Variants in UNC79 observed in about 807,000 individuals in gnomAD.
The protein encoded by UNC79 is unc-79 subunit of NALCN channel complex, also known as protein unc-79 homolog.
UNC79 carries 37 observed loss-of-function variants against 283.1 expected under a neutral mutation model. The observed-to-expected ratio is 0.13, with a 90% CI of 0.10 to 0.17. The LOEUF (loss-of-function observed/expected upper bound fraction) is 0.17, where lower values mean the gene tolerates loss of function less well. Ranked by LOEUF, UNC79 falls within the 10% of genes least tolerant of loss-of-function variation. The pLI is 1.00. For missense variants in UNC79, 2,272 were observed against 3,211.1 expected (o/e 0.71, Z 7.07); for synonymous variants, 1,107 against 1,200.2 (o/e 0.92, Z 1.61).
intron 1 of UNC79, among the ~76,000 whole-genome samples, chr14:93,417,825 G>T (rs1232635959): frequency 6.6e-6 from 1 of 150,944 alleles, no homozygotes; most frequent in Non-Finnish European, 1.5e-5. Context: ...GACTCCTGAG[G>T]CTTCTCCATT....
chr14:93,595,270 AC>A (rs1383804700), intron 23 of UNC79, among the ~76,000 whole-genome samples: 4 of 151,608 alleles, frequency 2.6e-5, no homozygotes, highest in African/African-American at 9.7e-5. Flanking sequence ...TTGTATTTTT[AC>A]TAGAGATGGG....
At chr14:93,391,247 A>G (rs988175302) in intron 1 of UNC79, among the ~76,000 whole-genome samples, 8 of 152,198 alleles carry the variant, frequency 5.3e-5, no homozygotes, top group African/African-American at 1.9e-4. Flanking sequence ...GGATATACAT[A>G]TGATAAAAAG....
intron 1 of UNC79, among the ~76,000 whole-genome samples, chr14:93,404,513 T>TATATATATATATATATATATATATATA (rs1229909876): frequency 8.8e-6 from 1 of 113,294 alleles, no homozygotes; most frequent in Non-Finnish European, 1.8e-5. Flanking sequence ...TATATATATA[T>TATATATATATATATATATATATATATA]AAATATATAC....
intron 31 of UNC79, among the ~76,000 whole-genome samples, chr14:93,635,389 G>C (rs1295878900): frequency 2.0e-5 from 3 of 152,086 alleles, no homozygotes; most frequent in African/African-American, 7.2e-5. Context: ...CTTGCAACAT[G>C]CATGCACCAC....
In UNC79 at chr14:93,375,133, G is replaced by A. The variant is rs535914309; in HGVS notation, c.-351+41610G>A. Among the ~76,000 whole-genome samples the A allele has an allele frequency of 2.0e-5, 3 of 152,262 alleles. No individual in the cohort carries two copies. In the East Asian group the frequency reaches 5.8e-4, roughly 29 times the overall value. ...ATGGTTGAGGCTGGGTGCAGTGGCT[G>A]ACACTTTGGGATGCTAAGGCAGGAG... On this transcript the variant is annotated intron_variant, in intron 1 of 49. Transcript: ENST00000256339.
chr14:93,341,518 ACTTTC>A (rs1363268124), intron 1 of UNC79, among the ~76,000 whole-genome samples: 5 of 151,408 alleles, frequency 3.3e-5, no homozygotes, highest in African/African-American at 9.7e-5. Flanking sequence ...CAATCCTAGC[ACTTTC>A]GGAGGCTGAG....
rs116970445 is a variant in UNC79 at position 93,335,523 on chromosome 14, A to T, written c.-351+2000A>T. Among the ~76,000 whole-genome samples the T allele has an allele frequency of 5.6e-3, 849 of 152,372 alleles. 4 individuals are homozygous for T. Among genetic ancestry groups the T allele is most frequent in the Admixed American group, 0.01 (157 of 15,308 alleles). On this transcript the variant is annotated intron_variant, in intron 1 of 49. Transcript: ENST00000256339. The stretch of plus-strand genomic sequence containing the variant: ...TTAAGATGGTACTAAGTAGTGGTTA[A>T]CAGCATGCATTCTAGAATCAGATAG...
At chr14:93,627,902 G>A (rs1168462982) in intron 30 of UNC79, among the ~76,000 whole-genome samples, 2 of 152,102 alleles carry the variant, frequency 1.3e-5, no homozygotes, top group Non-Finnish European at 2.9e-5. Flanking sequence ...CCAGAATGTG[G>A]CACCTTCTTC....
intron 1 of UNC79, among the ~76,000 whole-genome samples, chr14:93,404,483 T>A (rs2055174626): frequency 3.2e-5 from 2 of 62,958 alleles, no homozygotes; most frequent in African/African-American, 7.5e-5. Context: ...GAGTGAGACC[T>A]TCTAAAAAAA....
At position 93,612,246 on chromosome 14, in the gene UNC79, A is replaced by G. The variant is rs2066366801; in HGVS notation, c.3755-551A>G. Among the ~76,000 whole-genome samples the G allele has an allele frequency of 2.0e-5, 3 of 152,238 alleles. No homozygotes were observed. In the South Asian group the frequency reaches 6.2e-4, roughly 32 times the overall value. ...ATTTATAATTTTGGCTATTTCATTTAAAGAGTGCCTATTGCTAATATCTCA... is the reference window on the plus strand; with the variant it reads ...ATTTATAATTTTGGCTATTTCATTTGAAGAGTGCCTATTGCTAATATCTCA... On this transcript the variant is annotated intron_variant, in intron 26 of 48. Coordinates refer to ENST00000555664, the Ensembl canonical transcript of UNC79.
At chr14:93,596,664 A>G (rs539508991) in intron 23 of UNC79, among the ~76,000 whole-genome samples, 1 of 152,304 alleles carries the variant, frequency 6.6e-6, no homozygotes, top group Non-Finnish European at 1.5e-5. Context: ...AACAAACAAA[A>G]GAATATTCTA....
chr14:93,527,253 T>G (rs1028022008), intron 8 of UNC79, among the ~76,000 whole-genome samples: 2 of 152,228 alleles, frequency 1.3e-5, no homozygotes, highest in African/African-American at 4.8e-5. Flanking sequence ...GCTGCCAGTT[T>G]TTGGAAATAA....
At chr14:93,460,203 CAAAAAAA>C (rs749082123) in intron 1 of UNC79, among the ~76,000 whole-genome samples, 1 of 33,864 alleles carries the variant, frequency 3.0e-5, no homozygotes. Context: ...GATTCCGTCT[CAAAAAAA>C]AAAAAAAAAA....
chr14:93,362,510 G>A (rs1045358576), intron 1 of UNC79, among the ~76,000 whole-genome samples: 2 of 151,940 alleles, frequency 1.3e-5, no homozygotes, highest in Non-Finnish European at 2.9e-5. Flanking sequence ...CACCATGCCC[G>A]GCTAAATTTT....
chr14:93,524,048 G>A lies in UNC79; in HGVS notation c.963+6G>A. ...TTAACAAACCAGCTGTGAAGGTACT[G>A]TTTTATTAGACCTGGTGCCATACTG... On this transcript the variant is annotated splice_donor_region_variant and intron_variant, in intron 8 of 48. Transcript: ENST00000555664. The A allele has an allele frequency of 1.9e-6, 3 of 1,614,062 alleles. No homozygotes were observed. The highest frequency in any genetic ancestry group is 1.1e-5 in the South Asian group (1 of 91,072).
intron 7 of UNC79, among the ~76,000 whole-genome samples, chr14:93,503,950 G>A (rs1003895801): frequency 1.3e-5 from 2 of 151,474 alleles, no homozygotes; most frequent in Admixed American, 1.3e-4. Context: ...TTTCTATATG[G>A]TATGAGGTAA....
At chr14:93,619,528 T>C (rs1018348504) in intron 29 of UNC79, among the ~76,000 whole-genome samples, 5 of 152,256 alleles carry the variant, frequency 3.3e-5, no homozygotes, top group Admixed American at 6.5e-5. Flanking sequence ...CAGATTATTG[T>C]GTTGCGTTTC....
At chr14:93,495,922 T>A (rs1188995400) in intron 5 of UNC79, among the ~76,000 whole-genome samples, 1 of 152,216 alleles carries the variant, frequency 6.6e-6, no homozygotes, top group East Asian at 1.9e-4. Context: ...CCCACTCTAA[T>A]CCATCAAGTC....
chr14:93,691,732 G>A lies in UNC79; in HGVS notation c.7273-17G>A, dbSNP rs374037207. 2.2e-5 allele frequency: 35 copies of A among 1,612,958 alleles called. No individual in the cohort carries two copies. Among genetic ancestry groups the A allele is most frequent in the African/African-American group, 5.3e-5 (4 of 74,994 alleles). On this transcript the variant is annotated splice_polypyrimidine_tract_variant and intron_variant, in intron 45 of 48. Transcript: ENST00000555664. ...TGCTGGGATGCAATGCACTGATGCC[G>A]TCTTCTTCCTTTTCAGACCTCCGTG...
Sources: gnomAD v4.1 joint callset for allele counts (sites outside exome capture counted in the v4.1 genomes callset) on GRCh38, gnomAD v4.1.1 for gene constraint, MANE v1.5 for transcripts, NCBI Gene and HGNC (gene_info 2026-07-23, HGNC 2026-07-21) for gene names.